CTNNA2: variants seen among roughly 807,000 people sequenced by gnomAD.
The protein encoded by CTNNA2 is catenin alpha 2, also known as catenin alpha-2.
A neutral mutation model predicts 101.0 loss-of-function variants in CTNNA2; 42 were observed. The observed-to-expected ratio is 0.42, with a 90% confidence interval of 0.32 to 0.54. CTNNA2 has a LOEUF of 0.54. Among genes scored for constraint, CTNNA2 ranks in the 20% least tolerant of loss-of-function variants. The pLI is 0.14. For synonymous variants in CTNNA2, 450 were observed against 456.4 expected, an observed-to-expected ratio of 0.99 and a Z score of 0.18; for missense variants, 871 against 1,223.1, an observed-to-expected ratio of 0.71 and a Z score of 4.29.
At chr2:80,329,120 G>A (rs952969638) in intron 7 of CTNNA2, among the ~76,000 whole-genome samples, 7 of 152,218 alleles carry the variant, frequency 4.6e-5, no homozygotes, top group African/African-American at 1.2e-4. Flanking sequence ...GAAAGTTCCC[G>A]AGAATCACAC....
intron 9 of CTNNA2, among the ~76,000 whole-genome samples, chr2:80,451,181 A>G (rs1683476083): frequency 6.6e-6 from 1 of 151,896 alleles, no homozygotes; most frequent in Non-Finnish European, 1.5e-5. Context: ...CCCCACCCAA[A>G]TCTCATTTTG....
At chr2:79,391,040 G>T (rs760326013) in intron 4 of CTNNA2, among the ~76,000 whole-genome samples, 13 of 152,138 alleles carry the variant, frequency 8.5e-5, no homozygotes, top group Non-Finnish European at 1.6e-4. Context: ...GAGTGAGGAG[G>T]TTCTGATCCC....
intron 9 of CTNNA2, among the ~76,000 whole-genome samples, chr2:80,501,595 T>C (rs1168131712): frequency 6.6e-6 from 1 of 152,208 alleles, no homozygotes; most frequent in Non-Finnish European, 1.5e-5. Context: ...AATTCTCTTA[T>C]GAAGTTGTAT....
At chr2:79,238,622 A>G (rs980248537) in intron 2 of CTNNA2, among the ~76,000 whole-genome samples, 1 of 152,226 alleles carries the variant, frequency 6.6e-6, no homozygotes, top group Non-Finnish European at 1.5e-5. Flanking sequence ...TAATTTTTCC[A>G]GTTATTGCTA....
intron 6 of CTNNA2, among the ~76,000 whole-genome samples, chr2:79,894,063 TTCC>T (rs1553396416): frequency 9.5e-4 from 58 of 61,366 alleles, no homozygotes; most frequent in African/African-American, 2.5e-3. Flanking sequence ...CTTCTTCTTC[TTCC>T]TCCTCCTCCT....
chr2:80,527,030 C>G (rs2149586715), intron 9 of CTNNA2, among the ~76,000 whole-genome samples: 1 of 152,338 alleles, frequency 6.6e-6, no homozygotes, highest in Middle Eastern at 3.4e-3. Flanking sequence ...AATTTGAGCA[C>G]TATGACACAG....
intron 3 of CTNNA2, among the ~76,000 whole-genome samples, chr2:79,825,176 G>A (rs1415717644): frequency 6.6e-6 from 1 of 152,170 alleles, no homozygotes; most frequent in Non-Finnish European, 1.5e-5. Flanking sequence ...GTGACAGAGG[G>A]AGATCCTGGC....
At chr2:79,390,277 G>C (rs947200203) in intron 4 of CTNNA2, among the ~76,000 whole-genome samples, 1 of 152,132 alleles carries the variant, frequency 6.6e-6, no homozygotes, top group Non-Finnish European at 1.5e-5. Context: ...GAACCTGGTG[G>C]ATAATTATAT....
At position 79,913,942 on chromosome 2, in the gene CTNNA2, C is replaced by T. The variant is rs1364935718; in HGVS notation, c.1056+4145C>T. Among the ~76,000 whole-genome samples the T allele has an allele frequency of 3.3e-5, 5 of 151,674 alleles. No homozygotes were observed. In the East Asian group the frequency reaches 5.8e-4, roughly 18 times the overall value. ...CAGCACTTTGGGAGGCCGAGGCGGG[C>T]GGATCACGAGGTCAGGAGATCGAGA... On this transcript the variant is annotated intron_variant, in intron 7 of 18. Transcript: ENST00000402739.
intron 9 of CTNNA2, among the ~76,000 whole-genome samples, chr2:80,523,052 C>T (rs1689708759): frequency 6.6e-6 from 1 of 151,942 alleles, no homozygotes; most frequent in African/African-American, 2.4e-5. Flanking sequence ...AAGCCAGAGT[C>T]TGGGATAATG....
chr2:80,246,877 G>T, intron 7 of CTNNA2, among the ~76,000 whole-genome samples: 1 of 152,176 alleles, frequency 6.6e-6, no homozygotes, highest in East Asian at 1.9e-4. Flanking sequence ...TGAGACACTA[G>T]ATTGTCTAAG....
At chr2:79,932,124 G>A (rs779934628) in intron 7 of CTNNA2, among the ~76,000 whole-genome samples, 15 of 152,166 alleles carry the variant, frequency 9.9e-5, no homozygotes, top group Non-Finnish European at 1.9e-4. Flanking sequence ...CCCACCTGGG[G>A]CTGAGTGGAG....
intron 1 of CTNNA2, among the ~76,000 whole-genome samples, chr2:79,611,770 A>G (rs564936008): frequency 6.6e-6 from 1 of 152,280 alleles, no homozygotes; most frequent in East Asian, 1.9e-4. Flanking sequence ...GAGAAGCATA[A>G]ACCTTGATAT....
chr2:80,332,194 A>G (rs758003414), intron 7 of CTNNA2, among the ~76,000 whole-genome samples: 7 of 152,186 alleles, frequency 4.6e-5, no homozygotes, highest in Non-Finnish European at 8.8e-5. Context: ...CTCCTTAAAC[A>G]AACAAACTCA....
In CTNNA2 at chr2:79,820,032, A is replaced by G. The variant is rs998440760; in HGVS notation, c.299-37981A>G. Among the ~76,000 whole-genome samples, 3 of 152,304 alleles carry G rather than the reference A, an allele frequency of 2.0e-5. No individual in the cohort carries two copies. In the East Asian group the frequency reaches 5.8e-4, roughly 29 times the overall value. On this transcript the variant is annotated intron_variant, in intron 3 of 18. Coordinates refer to ENST00000402739, the MANE Select transcript of CTNNA2 (RefSeq NM_001282597.3). ...AGTTCATCGTCTAGTTGGTTTATTT[A>G]CCACTCACATATTTGTCTGTATATG...
In CTNNA2 at chr2:79,869,651, A is replaced by T. The variant is rs931989064; in HGVS notation, c.466-165A>T. The stretch of plus-strand genomic sequence containing the variant: ...TTTTTAAGTCTTGAATAACTATTTA[A>T]TCTGACTACACATGATTGTTAGAGG... On this transcript the variant is annotated intron_variant, in intron 4 of 18. Transcript: ENST00000402739. 3.3e-5 allele frequency among the ~76,000 whole-genome samples: 5 copies of T among 152,224 alleles called. No homozygotes were observed. In the East Asian group the frequency reaches 9.6e-4, roughly 29 times the overall value.
intron 7 of CTNNA2, among the ~76,000 whole-genome samples, chr2:80,048,926 G>C (rs1239698639): frequency 1.3e-5 from 2 of 152,156 alleles, no homozygotes; most frequent in Non-Finnish European, 2.9e-5. Flanking sequence ...GTCAGTGATG[G>C]TAGGAATCTG....
At chr2:79,381,310 CA>C (rs1172261493) in intron 4 of CTNNA2, among the ~76,000 whole-genome samples, 1 of 152,066 alleles carries the variant, frequency 6.6e-6, no homozygotes, top group African/African-American at 2.4e-5. Flanking sequence ...GAAAAACCCC[CA>C]AAAGTCAAAT....
rs138584047 is a variant in CTNNA2 at position 80,631,880 on chromosome 2, T to TTTGTTG, written c.2574+12665_2574+12670dup. 4.8e-3 allele frequency among the ~76,000 whole-genome samples: 735 copies of TTTGTTG among 152,188 alleles called. 4 individuals carry two copies. Among genetic ancestry groups the TTTGTTG allele is most frequent in the African/African-American group, 0.017 (691 of 41,522 alleles). Reference sequence around the variant, plus strand: ...ATGCGCCTAAAGTGATGTAGTACTTTTTGTTGTTGTTGTTGTTGAGAATTA... The same window carrying TTTGTTG: ...ATGCGCCTAAAGTGATGTAGTACTTTTTGTTGTTGTTGTTGTTGTTGTTGAGAATTA... On this transcript the variant is annotated intron_variant, in intron 18 of 18. Transcript: ENST00000402739.
Sources: allele counts gnomAD v4.1 joint callset (sites outside exome capture counted in the v4.1 genomes callset), GRCh38; gene constraint gnomAD v4.1.1; transcripts MANE v1.5; gene names NCBI Gene and HGNC (gene_info 2026-07-23, HGNC 2026-07-21).